The following HMGN5 variants were observed in gnomAD, a reference collection of about 807,000 sequenced individuals.
The protein encoded by HMGN5 is high mobility group nucleosome-binding domain-containing protein 5.
In HMGN5, 4 loss-of-function variants were observed where a neutral mutation model predicts 9.5. That is an observed-to-expected ratio of 0.42 (90% CI 0.21 to 0.96). HMGN5 has a LOEUF of 0.96. Among genes scored for constraint, HMGN5 ranks in the 40% least tolerant of loss-of-function variants. HMGN5 has a pLI of 0.30. For synonymous variants in HMGN5, 55 were observed against 57.1 expected, an observed-to-expected ratio of 0.96 and a Z score of 0.16; for missense variants, 192 against 187.5, an observed-to-expected ratio of 1.02 and a Z score of -0.14.
chrX:81,189,602 T>C (rs920531229), intron 1 of HMGN5, among the ~76,000 whole-genome samples: 1 of 112,507 alleles, frequency 8.9e-6, no homozygotes. Context: ...CATTTTTGGA[T>C]GTACCACAGT....
At chrX:81,138,967 G>T (rs1210371591) in intron 1 of HMGN5, among the ~76,000 whole-genome samples, 3 of 111,052 alleles carry the variant, frequency 2.7e-5, no homozygotes, top group African/African-American at 9.8e-5. Context: ...TACTGATGAA[G>T]AACATAAAAA....
chrX:81,161,474 ATTG>A (rs2075397619), intron 1 of HMGN5, among the ~76,000 whole-genome samples: 1 of 111,268 alleles, frequency 9.0e-6, no homozygotes, highest in Non-Finnish European at 1.9e-5. Context: ...GCATAATAAA[ATTG>A]TTGTTGTTTT....
chrX:81,163,698 A>C lies in HMGN5; in HGVS notation c.-124+38039T>G, dbSNP rs779014265. Among the ~76,000 whole-genome samples, 11 of 111,943 alleles carry C rather than the reference A, an allele frequency of 9.8e-5. No homozygotes were observed. In the South Asian group the frequency reaches 4.1e-3, roughly 42 times the overall value. On this transcript the variant is annotated intron_variant, in intron 1 of 6. Transcript: ENST00000358130. ...AACCTAAGGAATGAAACCTTTTCTC[A>C]TAAGTAATATTGTCTCTCTATAGAA...
At chrX:81,134,982 A>T (rs1035601067) in intron 1 of HMGN5, among the ~76,000 whole-genome samples, 1 of 111,814 alleles carries the variant, frequency 8.9e-6, no homozygotes, top group Non-Finnish European at 1.9e-5. Flanking sequence ...CTCAAAATAG[A>T]TGACAGACCT....
At chrX:81,142,953 A>G (rs767991143) in intron 1 of HMGN5, among the ~76,000 whole-genome samples, 16 of 112,053 alleles carry the variant, frequency 1.4e-4, no homozygotes, top group Admixed American at 1.9e-4. Flanking sequence ...AGATGTAAAT[A>G]GAGGCAACAA....
intron 1 of HMGN5, among the ~76,000 whole-genome samples, chrX:81,171,650 C>G (rs1222190221): frequency 9.0e-6 from 1 of 111,435 alleles, no homozygotes; most frequent in Non-Finnish European, 1.9e-5. Flanking sequence ...AGGTATACAA[C>G]TGGAAAATTA....
intron 1 of HMGN5, among the ~76,000 whole-genome samples, chrX:81,154,505 G>A (rs973724182): frequency 2.7e-5 from 3 of 111,022 alleles, no homozygotes; most frequent in Non-Finnish European, 5.7e-5. Flanking sequence ...CAAAACAAAC[G>A]TGGACAAATG....
chrX:81,192,159 C>G (rs373696259), intron 1 of HMGN5, among the ~76,000 whole-genome samples: 10 of 111,237 alleles, frequency 9.0e-5, no homozygotes, highest in African/African-American at 3.3e-4. Context: ...AAAGTACTAT[C>G]CTTTTTATAT....
At chrX:81,167,878 T>A (rs2075415512) in intron 1 of HMGN5, among the ~76,000 whole-genome samples, 1 of 110,374 alleles carries the variant, frequency 9.1e-6, no homozygotes, top group African/African-American at 3.3e-5. Context: ...AGACCTGGAT[T>A]TTTTTTTTGT....
At chrX:81,119,165 AT>A (rs1010269743) in intron 3 of HMGN5, among the ~76,000 whole-genome samples, 48 of 111,441 alleles carry the variant, frequency 4.3e-4, no homozygotes, top group African/African-American at 1.4e-3. Context: ...CTATATATAC[AT>A]TTTTTTCACA....
intron 1 of HMGN5, among the ~76,000 whole-genome samples, chrX:81,196,764 T>C (rs2075509749): frequency 9.1e-6 from 1 of 110,348 alleles, no homozygotes; most frequent in Admixed American, 9.6e-5. Context: ...ATGGTCTCAA[T>C]CTCCTGACCT....
chrX:81,190,171 T>C (rs1000481489), intron 1 of HMGN5, among the ~76,000 whole-genome samples: 2 of 111,930 alleles, frequency 1.8e-5, no homozygotes, highest in East Asian at 5.6e-4. Flanking sequence ...TTGTTATTTG[T>C]ATATTTTGTA....
At chrX:81,181,909 G>A (rs1263324741) in intron 1 of HMGN5, among the ~76,000 whole-genome samples, 1 of 112,204 alleles carries the variant, frequency 8.9e-6, no homozygotes, top group Non-Finnish European at 1.9e-5. Context: ...ATAAACATGA[G>A]AGTACAGATA....
chrX:81,170,053 C>CAAAAAA, intron 1 of HMGN5, among the ~76,000 whole-genome samples: 1 of 34,798 alleles, frequency 2.9e-5, no homozygotes, highest in Admixed American at 3.7e-4. Context: ...GACCCCGTCT[C>CAAAAAA]AAAAAAAAAA....
chrX:81,140,865 C>A (rs189313997), intron 1 of HMGN5, among the ~76,000 whole-genome samples: 1 of 111,545 alleles, frequency 9.0e-6, no homozygotes, highest in Non-Finnish European at 1.9e-5. Flanking sequence ...CCCTGGGATC[C>A]CTGATTTCAG....
intron 1 of HMGN5, among the ~76,000 whole-genome samples, chrX:81,148,558 G>T (rs930357259): frequency 1.8e-5 from 2 of 111,555 alleles, no homozygotes; most frequent in Non-Finnish European, 3.8e-5. Flanking sequence ...TACCATTCAG[G>T]ACATAGGCAT....
At chrX:81,148,256 C>T (rs750578864) in intron 1 of HMGN5, among the ~76,000 whole-genome samples, 1 of 111,961 alleles carries the variant, frequency 8.9e-6, no homozygotes, top group African/African-American at 3.2e-5. Flanking sequence ...GTAACAAAAA[C>T]AGCATGGTAC....
intron 1 of HMGN5, among the ~76,000 whole-genome samples, chrX:81,169,813 G>T (rs1166729924): frequency 9.0e-6 from 1 of 111,121 alleles, no homozygotes; most frequent in Non-Finnish European, 1.9e-5. Flanking sequence ...CCAACACTTT[G>T]GGAGGTCAAG....
chrX:81,147,478 T>A (rs57073479), intron 1 of HMGN5, among the ~76,000 whole-genome samples: 4,987 of 111,278 alleles, frequency 0.045, 282 homozygotes, highest in African/African-American at 0.15. Flanking sequence ...GATGGAACAT[T>A]TCTAAAAATA....
Sources: allele counts gnomAD v4.1 joint callset (sites outside exome capture counted in the v4.1 genomes callset), GRCh38; gene constraint gnomAD v4.1.1; transcripts MANE v1.5; gene names NCBI Gene and HGNC (gene_info 2026-07-23, HGNC 2026-07-21).